Variants in CDKL4 observed in about 807,000 individuals in gnomAD.
CDKL4 encodes the protein cyclin-dependent kinase-like 4.
A neutral mutation model predicts 42.0 loss-of-function variants in CDKL4; 44 were observed. The observed-to-expected ratio is 1.05, with a 90% CI of 0.82 to 1.35. The LOEUF is 1.35. CDKL4 is among the 40% of genes most tolerant of loss of function. CDKL4 has a pLI of 0.00. For missense variants in CDKL4, 393 were observed against 369.9 expected, an observed-to-expected ratio of 1.06 and a Z score of -0.51; for synonymous variants, 120 against 121.6, an observed-to-expected ratio of 0.99 and a Z score of 0.09.
intron 5 of CDKL4, among the ~76,000 whole-genome samples, chr2:39,194,294 C>A (rs907384606): frequency 6.6e-6 from 1 of 151,934 alleles, no homozygotes; most frequent in Non-Finnish European, 1.5e-5. Flanking sequence ...CTGTGTCTAC[C>A]AAAAATACAA....
chr2:39,232,649 A>G (rs1383553901), intron 1 of CDKL4, among the ~76,000 whole-genome samples: 1 of 152,192 alleles, frequency 6.6e-6, no homozygotes, highest in Non-Finnish European at 1.5e-5. Context: ...CTCCTCATAC[A>G]TCTTCCACAA....
intron 5 of CDKL4, among the ~76,000 whole-genome samples, chr2:39,193,339 G>A (rs1015066143): frequency 1.3e-5 from 2 of 149,546 alleles, no homozygotes; most frequent in South Asian, 2.1e-4. Context: ...ACTGAGAGGT[G>A]TAAACATCAT....
chr2:39,227,534 C>A (rs1252206578), intron 2 of CDKL4, among the ~76,000 whole-genome samples: 3 of 152,084 alleles, frequency 2.0e-5, no homozygotes, highest in Non-Finnish European at 4.4e-5. Context: ...TCGAGATCAG[C>A]CTAAGCAACA....
chr2:39,205,444 A>C (rs1677102708), intron 4 of CDKL4, among the ~76,000 whole-genome samples: 1 of 152,096 alleles, frequency 6.6e-6, no homozygotes, highest in Admixed American at 6.5e-5. Context: ...TTATCATCCA[A>C]ATCAGGAGAC....
At chr2:39,230,974 T>C (rs988142964) in intron 1 of CDKL4, among the ~76,000 whole-genome samples, 2 of 151,474 alleles carry the variant, frequency 1.3e-5, no homozygotes, top group Non-Finnish European at 2.9e-5. Flanking sequence ...CTCTGGGAGG[T>C]CGAGGCAGGT....
At chr2:39,235,527 T>C (rs1173906726) in intron 1 of CDKL4, among the ~76,000 whole-genome samples, 1 of 152,126 alleles carries the variant, frequency 6.6e-6, no homozygotes, top group African/African-American at 2.4e-5. Flanking sequence ...TGAGGATTGA[T>C]TGAGCTCAGG....
chr2:39,190,543 A>G, intron 5 of CDKL4, 41 bp from the exon 6 acceptor site: 1 of 1,551,000 alleles, frequency 6.4e-7, no homozygotes. Flanking sequence ...CAATTCTCCC[A>G]ACATGTGAAC....
chr2:39,225,812 C>G (rs1203268495), intron 3 of CDKL4, 27 bp downstream of exon 3: 1 of 1,583,192 alleles, frequency 6.3e-7, no homozygotes, highest in East Asian at 2.3e-5. Context: ...ACTGGCTGTA[C>G]AGAATTTCAG....
At chr2:39,221,177 C>G (rs1313384502) in intron 3 of CDKL4, among the ~76,000 whole-genome samples, 7 of 151,252 alleles carry the variant, frequency 4.6e-5, no homozygotes, top group African/African-American at 1.7e-4. Context: ...CCACGCCTGG[C>G]TAATTTTTTT....
intron 7 of CDKL4, among the ~76,000 whole-genome samples, chr2:39,185,148 GTA>G (rs761361219): frequency 1.1e-3 from 138 of 129,612 alleles, no homozygotes; most frequent in Admixed American, 1.7e-3. Flanking sequence ...ATATATATGT[GTA>G]TATATATACA....
chr2:39,204,062 G>A (rs902228371), intron 5 of CDKL4, among the ~76,000 whole-genome samples: 7 of 152,028 alleles, frequency 4.6e-5, no homozygotes, highest in African/African-American at 1.5e-4. Context: ...AATGATTTCC[G>A]TTTTCTTAGC....
chr2:39,201,831 G>A (rs1325146023), intron 5 of CDKL4, among the ~76,000 whole-genome samples: 1 of 152,188 alleles, frequency 6.6e-6, no homozygotes, highest in Non-Finnish European at 1.5e-5. Context: ...TGGGGACTCA[G>A]CCGAAAGGGT....
chr2:39,212,434 C>T (rs1229042724), intron 4 of CDKL4, among the ~76,000 whole-genome samples: 3 of 151,848 alleles, frequency 2.0e-5, no homozygotes, highest in South Asian at 4.2e-4. Context: ...AGGGTTTCAC[C>T]GTGTTGGCCA....
intron 8 of CDKL4, among the ~76,000 whole-genome samples, chr2:39,182,001 A>G (rs1005401143): frequency 1.3e-5 from 2 of 151,798 alleles, no homozygotes; most frequent in Non-Finnish European, 2.9e-5. Flanking sequence ...ATTTTTTTTT[A>G]GAGATGAGGT....
chr2:39,171,599 G>C (rs1424732809), downstream of CDKL4, among the ~76,000 whole-genome samples: 1 of 152,224 alleles, frequency 6.6e-6, no homozygotes, highest in Non-Finnish European at 1.5e-5. Flanking sequence ...CACCAGGGCT[G>C]AGAGAGGTCT....
At chr2:39,231,047 T>G (rs1383581318) in intron 1 of CDKL4, among the ~76,000 whole-genome samples, 2 of 152,060 alleles carry the variant, frequency 1.3e-5, no homozygotes, top group Admixed American at 6.6e-5. Flanking sequence ...CTGTCTCTAC[T>G]AAAAACACCA....
intron 8 of CDKL4, among the ~76,000 whole-genome samples, chr2:39,182,856 T>C (rs6544206): frequency 0.11 from 17,395 of 152,250 alleles, 2,565 homozygotes; most frequent in African/African-American, 0.34. Flanking sequence ...ATAGATTGGC[T>C]ACTGCATGCC....
chr2:39,172,086 G>C (rs923657035), downstream of CDKL4, among the ~76,000 whole-genome samples: 2 of 152,016 alleles, frequency 1.3e-5, no homozygotes, highest in Non-Finnish European at 2.9e-5. Flanking sequence ...CGAGGCAGGC[G>C]GATCACGAGG....
At chr2:39,243,582 C>T (rs1679769566) in intron 1 of CDKL4, among the ~76,000 whole-genome samples, 1 of 152,380 alleles carries the variant, frequency 6.6e-6, no homozygotes, top group South Asian at 2.1e-4. Flanking sequence ...AGTTCTCTTT[C>T]TCGGCCATAG....
Sources: gnomAD v4.1 joint callset for allele counts (sites outside exome capture counted in the v4.1 genomes callset) on GRCh38, gnomAD v4.1.1 for gene constraint, MANE v1.5 for transcripts, NCBI Gene and HGNC (gene_info 2026-07-23, HGNC 2026-07-21) for gene names.